CADM2: variants seen among roughly 807,000 people sequenced by gnomAD.
The protein encoded by CADM2 is cell adhesion molecule 2, also known as immunoglobulin superfamily member 4D.
Under a neutral mutation model 49.8 loss-of-function variants are expected in CADM2, and 12 were observed. The ratio of observed to expected loss-of-function variants is 0.24; its 90% CI spans 0.15 to 0.39. The LOEUF is 0.39. Among genes scored for constraint, CADM2 ranks in the 10% least tolerant of loss-of-function variants. The pLI is 1.00. For missense variants in CADM2, 378 were observed against 492.3 expected (o/e 0.77, Z 2.20); for synonymous variants, 214 against 175.4 (o/e 1.22, Z -1.74).
At chr3:85,133,791 G>T (rs1373456119) in intron 1 of CADM2, among the ~76,000 whole-genome samples, 2 of 152,252 alleles carry the variant, frequency 1.3e-5, no homozygotes, top group Non-Finnish European at 2.9e-5. Context: ...GAGCCCAGCT[G>T]GCTTCACCCA....
At position 86,018,472 on chromosome 3, in the gene CADM2, T is replaced by G. The variant is rs879609150; in HGVS notation, c.971-47133T>G. On this transcript the variant is annotated intron_variant, in intron 8 of 9. Transcript: ENST00000383699. ...CGCCACACTGACTTCCACAATGGTT[T>G]AACTAGTTTACAGTCCCACCAACAG... 6.7e-3 allele frequency among the ~76,000 whole-genome samples: 1,018 copies of G among 151,926 alleles called. 5 individuals are homozygous for G. Among genetic ancestry groups the G allele is most frequent in the African/African-American group, 0.01 (416 of 41,356 alleles).
chr3:85,185,547 T>G (rs970546069), intron 1 of CADM2, among the ~76,000 whole-genome samples: 1 of 152,114 alleles, frequency 6.6e-6, no homozygotes, highest in Non-Finnish European at 1.5e-5. Context: ...TTATTCATAG[T>G]AGTAAGAATA....
chr3:85,587,789 G>T (rs1382454096), intron 1 of CADM2, among the ~76,000 whole-genome samples: 2 of 151,826 alleles, frequency 1.3e-5, no homozygotes, highest in Non-Finnish European at 2.9e-5. Flanking sequence ...CTGTCACCCA[G>T]GCTGGAGTGC....
rs72921308 is a variant in CADM2 at position 85,297,923 on chromosome 3, A to G, written c.61+338255A>G. Among the ~76,000 whole-genome samples the G allele has an allele frequency of 6.0e-3, 915 of 152,170 alleles. 14 individuals carry two copies. Among genetic ancestry groups the G allele is most frequent in the African/African-American group, 0.02 (851 of 41,522 alleles). ...AGACTATAGGAATCATGTAATAAAT[A>G]TTTGTTAGATGCCTTGAAAGGAAGA... is the stretch of plus-strand genomic sequence containing the variant. On this transcript the variant is annotated intron_variant, in intron 1 of 9. Transcript: ENST00000383699.
At chr3:85,433,391 T>C (rs996256307) in intron 1 of CADM2, among the ~76,000 whole-genome samples, 2 of 152,076 alleles carry the variant, frequency 1.3e-5, no homozygotes, top group African/African-American at 4.8e-5. Context: ...CTGTTTCAAA[T>C]AGGCTGCTAA....
intron 1 of CADM2, among the ~76,000 whole-genome samples, chr3:85,645,788 A>C (rs565029605): frequency 7.7e-6 from 1 of 130,082 alleles, no homozygotes. Flanking sequence ...ATTGGCCTAA[A>C]AATATATTCA....
intron 1 of CADM2, among the ~76,000 whole-genome samples, chr3:85,490,039 G>T (rs2039606113): frequency 6.9e-6 from 1 of 144,226 alleles, no homozygotes; most frequent in South Asian, 2.2e-4. Context: ...TACAATATTA[G>T]AAATGCCTTC....
chr3:85,203,347 A>G (rs114082184), intron 1 of CADM2, among the ~76,000 whole-genome samples: 28 of 152,254 alleles, frequency 1.8e-4, no homozygotes, highest in African/African-American at 6.5e-4. Flanking sequence ...TAATTTTAAT[A>G]TTATTGTGTG....
intron 1 of CADM2, among the ~76,000 whole-genome samples, chr3:85,705,231 GAAAAA>G (rs56832861): frequency 2.9e-5 from 4 of 139,832 alleles, no homozygotes; most frequent in South Asian, 4.5e-4. Flanking sequence ...TTTTCATCAT[GAAAAA>G]AAAAAAAAGA....
chr3:85,361,163 T>C (rs540399234), intron 1 of CADM2, among the ~76,000 whole-genome samples: 35 of 152,248 alleles, frequency 2.3e-4, no homozygotes, highest in Admixed American at 5.2e-4. Context: ...AAGGGTTTAT[T>C]TGAGCATTGA....
intron 1 of CADM2, among the ~76,000 whole-genome samples, chr3:85,045,734 T>A (rs2035629472): frequency 6.6e-6 from 1 of 152,060 alleles, no homozygotes; most frequent in Admixed American, 6.6e-5. Flanking sequence ...CACAAGAATA[T>A]GTTGACAAAT....
intron 8 of CADM2, among the ~76,000 whole-genome samples, chr3:86,053,266 C>T (rs1396775471): frequency 6.6e-6 from 1 of 152,166 alleles, no homozygotes. Flanking sequence ...CATTAAGAGA[C>T]TAGATTTTCC....
At chr3:85,701,297 C>A (rs149308697) in intron 1 of CADM2, among the ~76,000 whole-genome samples, 2 of 152,258 alleles carry the variant, frequency 1.3e-5, no homozygotes, top group Admixed American at 6.5e-5. Context: ...CCAGGCCCCA[C>A]CTCCAGCACT....
chr3:85,656,672 A>G (rs184876435), intron 1 of CADM2, among the ~76,000 whole-genome samples: 1 of 152,242 alleles, frequency 6.6e-6, no homozygotes, highest in Admixed American at 6.5e-5. Context: ...TTAAGAAAAA[A>G]TTTCATACAT....
At chr3:85,162,207 G>A (rs1051048001) in intron 1 of CADM2, among the ~76,000 whole-genome samples, 1 of 151,968 alleles carries the variant, frequency 6.6e-6, no homozygotes, top group African/African-American at 2.4e-5. Flanking sequence ...TAATTTTTTA[G>A]TGCATGTTAA....
intron 1 of CADM2, among the ~76,000 whole-genome samples, chr3:85,479,879 T>G (rs1483821711): frequency 2.0e-5 from 3 of 151,974 alleles, no homozygotes; most frequent in Non-Finnish European, 2.9e-5. Context: ...GAATTTGGAA[T>G]GTAAACAACA....
intron 6 of CADM2, among the ~76,000 whole-genome samples, chr3:85,921,754 A>ATC (rs147793987): frequency 0.04 from 5,922 of 148,086 alleles, 349 homozygotes; most frequent in African/African-American, 0.13. Flanking sequence ...ATCTACTGTT[A>ATC]TCTCTCTCTC....
chr3:85,094,837 A>G (rs377328865), intron 1 of CADM2, among the ~76,000 whole-genome samples: 1 of 152,162 alleles, frequency 6.6e-6, no homozygotes. Context: ...CAAATGCACT[A>G]TCCAGAAGAG....
intron 3 of CADM2, among the ~76,000 whole-genome samples, chr3:85,843,754 T>C (rs1030438568): frequency 1.3e-5 from 2 of 152,180 alleles, no homozygotes; most frequent in African/African-American, 4.8e-5. Context: ...ATCACGTTAA[T>C]GCTCCAGGTA....
Sources: allele counts gnomAD v4.1 joint callset (sites outside exome capture counted in the v4.1 genomes callset), GRCh38; gene constraint gnomAD v4.1.1; transcripts MANE v1.5; gene names NCBI Gene and HGNC (gene_info 2026-07-23, HGNC 2026-07-21).